EXOC4: variants seen among roughly 807,000 people sequenced by gnomAD.
EXOC4 encodes SEC8-like 1.
Under a neutral mutation model 107.2 loss-of-function variants are expected in EXOC4, and 71 were observed. The ratio of observed to expected loss-of-function variants is 0.66; its 90% confidence interval spans 0.55 to 0.81. EXOC4 has a LOEUF of 0.81. EXOC4 is among the 30% of genes least tolerant of loss of function. The pLI, the probability that EXOC4 is intolerant of heterozygous loss-of-function variation, is 0.00. For missense variants in EXOC4, 1,108 were observed against 1,189.6 expected, an observed-to-expected ratio of 0.93 and a Z score of 1.01; for synonymous variants, 456 against 441.2, an observed-to-expected ratio of 1.03 and a Z score of -0.42.
chr7:133,896,268 T>G (rs962034280), intron 12 of EXOC4, among the ~76,000 whole-genome samples: 3 of 152,170 alleles, frequency 2.0e-5, no homozygotes, highest in African/African-American at 7.2e-5. Context: ...ATTTCCTTCC[T>G]TAGGTTCAAA....
At chr7:133,803,982 GA>G (rs1486432652) in intron 10 of EXOC4, among the ~76,000 whole-genome samples, 1 of 152,114 alleles carries the variant, frequency 6.6e-6, no homozygotes, top group African/African-American at 2.4e-5. Context: ...CTTTTGATGT[GA>G]ATTTGATGTT....
chr7:133,749,359 C>A (rs1217596456), intron 10 of EXOC4, among the ~76,000 whole-genome samples: 1 of 152,082 alleles, frequency 6.6e-6, no homozygotes, highest in Non-Finnish European at 1.5e-5. Flanking sequence ...TCCGCATAAT[C>A]AGAATGAAGA....
At chr7:133,556,182 A>G (rs1800686887) in intron 9 of EXOC4, among the ~76,000 whole-genome samples, 1 of 152,190 alleles carries the variant, frequency 6.6e-6, no homozygotes, top group Admixed American at 6.5e-5. Flanking sequence ...ATGATAAAAT[A>G]TTCATGTTCA....
chr7:133,503,754 G>A (rs1799617964), intron 9 of EXOC4, among the ~76,000 whole-genome samples: 1 of 152,010 alleles, frequency 6.6e-6, no homozygotes, highest in Non-Finnish European at 1.5e-5. Flanking sequence ...GCATTTCCAG[G>A]TCCATAGCAA....
At position 133,320,496 on chromosome 7, in the gene EXOC4, G is replaced by C. The variant is rs142872766; in HGVS notation, c.763+3106G>C. Among the ~76,000 whole-genome samples, 84 of 151,992 alleles carry C rather than the reference G, an allele frequency of 5.5e-4. No homozygotes were observed. The East Asian group carries it at 0.013, about 23-fold the overall frequency. ...GCCTCTTTCCTCTTTTTAAGGACTC[G>C]TGATTAGATTGATTCCACCTGGATA... On this transcript the variant is annotated intron_variant, in intron 5 of 17. Coordinates refer to ENST00000253861, the MANE Select transcript of EXOC4 (RefSeq NM_021807.4).
chr7:133,520,572 T>A (rs1413932705), intron 9 of EXOC4, among the ~76,000 whole-genome samples: 1 of 152,186 alleles, frequency 6.6e-6, no homozygotes, highest in Non-Finnish European at 1.5e-5. Flanking sequence ...TTTTAAAAGA[T>A]GAAATATATA....
intron 12 of EXOC4, among the ~76,000 whole-genome samples, chr7:133,907,549 C>A (rs1221887320): frequency 3.3e-5 from 5 of 152,106 alleles, no homozygotes; most frequent in Non-Finnish European, 7.4e-5. Context: ...AATCACTGAT[C>A]TGGGCCAGGC....
chr7:133,791,666 A>C (rs1796706378), intron 10 of EXOC4, among the ~76,000 whole-genome samples: 1 of 152,250 alleles, frequency 6.6e-6, no homozygotes, highest in Non-Finnish European at 1.5e-5. Flanking sequence ...ACGACTTTGC[A>C]CACTTGTAAA....
intron 11 of EXOC4, among the ~76,000 whole-genome samples, chr7:133,824,283 C>T (rs543646610): frequency 5.7e-4 from 86 of 151,912 alleles, no homozygotes; most frequent in Non-Finnish European, 1.0e-3. Flanking sequence ...TGGCCCTTAA[C>T]GCCTGCCTTC....
chr7:133,857,145 CACGTATATAT>C (rs1563029673), intron 11 of EXOC4, among the ~76,000 whole-genome samples: 2 of 35,016 alleles, frequency 5.7e-5, no homozygotes, highest in Non-Finnish European at 9.7e-5. Flanking sequence ...TATACACATA[CACGTATATAT>C]ATATATATAT....
chr7:133,939,621 CAAGT>C (rs1381318327), intron 14 of EXOC4, among the ~76,000 whole-genome samples: 2 of 152,176 alleles, frequency 1.3e-5, no homozygotes, highest in African/African-American at 4.8e-5. Flanking sequence ...TTCAGCCTCC[CAAGT>C]AGCTGGGACT....
chr7:134,045,902 A>C (rs1439239514), intron 17 of EXOC4, among the ~76,000 whole-genome samples: 1 of 152,160 alleles, frequency 6.6e-6, no homozygotes, highest in Non-Finnish European at 1.5e-5. Flanking sequence ...GCTTGTTTCA[A>C]TTAGCATAAT....
chr7:133,722,368 G>A (rs979333243), intron 10 of EXOC4, among the ~76,000 whole-genome samples: 2 of 152,178 alleles, frequency 1.3e-5, no homozygotes, highest in Admixed American at 6.5e-5. Context: ...TTTATCTAGA[G>A]TACAGTCTCT....
intron 14 of EXOC4, among the ~76,000 whole-genome samples, chr7:133,952,793 G>A (rs1321751826): frequency 6.6e-6 from 1 of 152,126 alleles, no homozygotes; most frequent in Non-Finnish European, 1.5e-5. Context: ...ATGTCTTCAA[G>A]GTCCATCCGT....
chr7:133,556,903 C>T (rs546566621), intron 9 of EXOC4, among the ~76,000 whole-genome samples: 3 of 152,146 alleles, frequency 2.0e-5, no homozygotes, highest in Admixed American at 6.5e-5. Context: ...GGGACAGGTC[C>T]GTGCCTGGGG....
downstream of EXOC4, among the ~76,000 whole-genome samples, chr7:134,069,572 A>G (rs1796245351): frequency 6.6e-6 from 1 of 152,006 alleles, no homozygotes; most frequent in Non-Finnish European, 1.5e-5. Flanking sequence ...ATTTCAGCTC[A>G]CTGCAACCTC....
intron 9 of EXOC4, among the ~76,000 whole-genome samples, chr7:133,575,160 C>G (rs1334007248): frequency 2.0e-5 from 3 of 152,042 alleles, no homozygotes; most frequent in African/African-American, 7.2e-5. Context: ...TTAGAGTTAC[C>G]CCTTGTGGCT....
At chr7:133,924,263 T>C (rs1283177743) in intron 13 of EXOC4, among the ~76,000 whole-genome samples, 2 of 152,226 alleles carry the variant, frequency 1.3e-5, no homozygotes, top group Non-Finnish European at 2.9e-5. Context: ...AAAAATTATT[T>C]TTTCCCAACT....
intron 9 of EXOC4, among the ~76,000 whole-genome samples, chr7:133,539,160 A>G (rs536239264): frequency 6.6e-6 from 1 of 152,186 alleles, no homozygotes; most frequent in South Asian, 2.1e-4. Flanking sequence ...ACACACATAC[A>G]TGTCTTATAT....
Sources: gnomAD v4.1 joint callset for allele counts (sites outside exome capture counted in the v4.1 genomes callset) on GRCh38, gnomAD v4.1.1 for gene constraint, MANE v1.5 for transcripts, NCBI Gene and HGNC (gene_info 2026-07-23, HGNC 2026-07-21) for gene names.